TBXAS1: variants seen among roughly 807,000 people sequenced by gnomAD.
TBXAS1 encodes the protein thromboxane A synthase 1, also known as thromboxane-A synthase.
A neutral mutation model predicts 60.7 loss-of-function variants in TBXAS1; 48 were observed. The ratio of observed to expected loss-of-function variants is 0.79; its 90% CI spans 0.63 to 1.01. TBXAS1 has a LOEUF of 1.01. Ranked by LOEUF, TBXAS1 falls within the 50% of genes least tolerant of loss-of-function variation. The probability of loss-of-function intolerance (pLI) is 0.00; values close to 1 mark genes in which losing one functional copy is unlikely to be tolerated. For synonymous variants in TBXAS1, 287 were observed against 269.7 expected (o/e 1.06, Z -0.63); for missense variants, 685 against 686.3 (o/e 1.00, Z 0.02).
At chr7:140,018,913 C>T (rs1239486776) in intron 12 of TBXAS1, among the ~76,000 whole-genome samples, 1 of 152,198 alleles carries the variant, frequency 6.6e-6, no homozygotes, top group Non-Finnish European at 1.5e-5. Flanking sequence ...CCAGATCCTG[C>T]CCACTCCCAA....
At position 139,852,386 on chromosome 7, in the gene TBXAS1, A is replaced by C. The variant is rs1800280521; in HGVS notation, c.90-19849A>C. Among the ~76,000 whole-genome samples the C allele has an allele frequency of 6.6e-6, 1 of 152,204 alleles. No individual in the cohort carries two copies. The highest frequency in any genetic ancestry group is 6.5e-5 in the Admixed American group (1 of 15,272). ...GGTCAGGCAGGTTCTGTGGGTCTCC[A>C]CCTGTGGCTGTGTTCCAGAACCCAG... On this transcript the variant is annotated intron_variant, in intron 1 of 12. Coordinates refer to ENST00000448866, the MANE Select transcript of TBXAS1 (RefSeq NM_001061.7). This position sits in a 1 kb window ranked among gnomAD's most constrained non-coding sequence, Gnocchi z 4.4.
intron 4 of TBXAS1, among the ~76,000 whole-genome samples, chr7:139,921,149 G>T (rs2117102794): frequency 6.6e-6 from 1 of 151,896 alleles, no homozygotes; most frequent in Non-Finnish European, 1.5e-5. Flanking sequence ...ATGTATTATT[G>T]TCTATGTATT....
intron 3 of TBXAS1, among the ~76,000 whole-genome samples, chr7:139,892,583 A>G (rs1803711283): frequency 6.6e-6 from 1 of 152,102 alleles, no homozygotes; most frequent in Non-Finnish European, 1.5e-5. Context: ...ACAGAGTGAG[A>G]CTCTGTCTCA....
chr7:140,008,851 T>C (rs1458744216), intron 10 of TBXAS1, among the ~76,000 whole-genome samples: 1 of 152,178 alleles, frequency 6.6e-6, no homozygotes, highest in African/African-American at 2.4e-5. Context: ...AGGGATCAAA[T>C]AGAACAAAGG....
intron 9 of TBXAS1, among the ~76,000 whole-genome samples, chr7:139,984,940 G>GAAAGAAAAA (rs1812328170): frequency 1.8e-5 from 1 of 56,812 alleles, no homozygotes; most frequent in African/African-American, 1.2e-4. Context: ...AAGAAAGAAA[G>GAAAGAAAAA]AAAAGAAAAG....
intron 3 of TBXAS1, among the ~76,000 whole-genome samples, chr7:139,901,126 C>T (rs1485997150): frequency 1.3e-5 from 2 of 152,194 alleles, no homozygotes; most frequent in South Asian, 4.1e-4. Context: ...GGACACACTT[C>T]CCTTACATTT....
At chr7:139,897,516 T>A in intron 3 of TBXAS1, among the ~76,000 whole-genome samples, 1 of 151,952 alleles carries the variant, frequency 6.6e-6, no homozygotes, top group East Asian at 1.9e-4. Flanking sequence ...AAGTCCTAGG[T>A]GGATAAGTGG....
Position 139,896,583 on chromosome 7 carries a change from C to T in TBXAS1, c.237-14642C>T, listed in dbSNP as rs1336709730. On this transcript the variant is annotated intron_variant, in intron 3 of 12. Transcript: ENST00000448866. This position sits in a 1 kb window ranked among gnomAD's most constrained non-coding sequence, Gnocchi z 4.0. ...CAACATCTGTCAGGCACTGTAGGAA[C>T]TGCTTTCAGTTTATGTGTATTATTT... 6.6e-6 allele frequency among the ~76,000 whole-genome samples: 1 copy of T among 152,220 alleles called. No individual in the cohort carries two copies. The highest frequency in any genetic ancestry group is 1.5e-5 in the Non-Finnish European group (1 of 68,040).
chr7:139,849,341 T>C (rs1344470354), intron 1 of TBXAS1, among the ~76,000 whole-genome samples: 1 of 151,496 alleles, frequency 6.6e-6, no homozygotes, highest in Non-Finnish European at 1.5e-5. Flanking sequence ...ATCGCACCAC[T>C]GCACTTCCAA....
intron 5 of TBXAS1, among the ~76,000 whole-genome samples, chr7:139,951,843 G>A (rs1809329673): frequency 4.2e-5 from 1 of 23,550 alleles, no homozygotes; most frequent in Non-Finnish European, 8.8e-5. Context: ...AAGAAAGAAA[G>A]AAGGAAGGAA....
intron 4 of TBXAS1, among the ~76,000 whole-genome samples, chr7:139,794,081 C>T (rs987979133): frequency 6.6e-6 from 1 of 151,558 alleles, no homozygotes; most frequent in African/African-American, 2.4e-5. Context: ...TAACAGTTGG[C>T]ACAAGACACT....
chr7:139,977,254 G>T (rs2117481430), intron 9 of TBXAS1, among the ~76,000 whole-genome samples: 1 of 152,268 alleles, frequency 6.6e-6, no homozygotes, highest in African/African-American at 2.4e-5. Flanking sequence ...CCACATGGCT[G>T]GGGAGGCCTG....
chr7:139,969,457 C>CAAAAAAAA (rs71170928), intron 9 of TBXAS1, among the ~76,000 whole-genome samples: 2 of 101,038 alleles, frequency 2.0e-5, no homozygotes, highest in African/African-American at 3.9e-5. Flanking sequence ...TATGTGCTTA[C>CAAAAAAAA]AAAAAAAAAA....
At position 139,893,706 on chromosome 7, in the gene TBXAS1, A is replaced by G. The variant is rs1485366539; in HGVS notation, c.237-17519A>G. ...GTCCTTCAGGATTTCTGCACACTTCAATACATCTCTTAATTACTCTTTTTT... is the reference window on the plus strand; with the variant it reads ...GTCCTTCAGGATTTCTGCACACTTCGATACATCTCTTAATTACTCTTTTTT... On this transcript the variant is annotated intron_variant, in intron 3 of 12. Coordinates refer to ENST00000448866, the MANE Select transcript of TBXAS1 (RefSeq NM_001061.7). Among the ~76,000 whole-genome samples, 5 of 152,258 alleles carry G rather than the reference A, an allele frequency of 3.3e-5. No homozygotes were observed. The East Asian group carries it at 9.6e-4, about 29-fold the overall frequency.
At chr7:139,934,750 C>A (rs896646300) in intron 4 of TBXAS1, among the ~76,000 whole-genome samples, 1 of 152,184 alleles carries the variant, frequency 6.6e-6, no homozygotes, top group Non-Finnish European at 1.5e-5. Context: ...GTCCCAATCT[C>A]CTCTTCTAAT....
intron 1 of TBXAS1, among the ~76,000 whole-genome samples, chr7:139,836,404 C>T (rs1799065347): frequency 1.3e-5 from 2 of 152,162 alleles, no homozygotes; most frequent in African/African-American, 4.8e-5. Flanking sequence ...CTCACATTAC[C>T]TTATTTCAAA....
chr7:139,842,882 CT>C (rs1483434342), intron 1 of TBXAS1, among the ~76,000 whole-genome samples: 3 of 152,178 alleles, frequency 2.0e-5, no homozygotes, highest in Non-Finnish European at 4.4e-5. Context: ...AGGCCGGCCC[CT>C]TTTTTCCCCT....
At chr7:139,888,724 A>G (rs549900343) in intron 3 of TBXAS1, among the ~76,000 whole-genome samples, 6 of 152,296 alleles carry the variant, frequency 3.9e-5, no homozygotes, top group African/African-American at 1.4e-4. Flanking sequence ...GAGAAAGTTC[A>G]GAGGTTTTGG....
At chr7:139,779,057 A>G (rs1796889300) in intron 1 of TBXAS1, among the ~76,000 whole-genome samples, 1 of 152,244 alleles carries the variant, frequency 6.6e-6, no homozygotes. Flanking sequence ...ATTGTTTCAT[A>G]AACCTTTTGT....
Sources: gnomAD v4.1 joint callset for allele counts (sites outside exome capture counted in the v4.1 genomes callset) on GRCh38, gnomAD v4.1.1 for gene constraint, Gnocchi (gnomAD v3.1) non-coding constraint, MANE v1.5 for transcripts, NCBI Gene and HGNC (gene_info 2026-07-23, HGNC 2026-07-21) for gene names.